The following PLXDC2 variants were observed in gnomAD, a reference collection of about 807,000 sequenced individuals.
The protein encoded by PLXDC2 is plexin domain containing 2.
PLXDC2 carries 40 observed loss-of-function variants against 68.9 expected under a neutral mutation model. The observed-to-expected ratio is 0.58, with a 90% CI of 0.45 to 0.76. The LOEUF is 0.76. Ranked by LOEUF, PLXDC2 falls within the 30% of genes least tolerant of loss-of-function variation. The pLI, the probability that PLXDC2 is intolerant of heterozygous loss-of-function variation, is 0.00. For synonymous variants in PLXDC2, 243 were observed against 234.2 expected (o/e 1.04, Z -0.34); for missense variants, 644 against 661.9 (o/e 0.97, Z 0.30).
intron 1 of PLXDC2, among the ~76,000 whole-genome samples, chr10:19,989,692 TAAAAAAGTATTTTA>T (rs1360159053): frequency 6.6e-6 from 1 of 151,876 alleles, no homozygotes; most frequent in Non-Finnish European, 1.5e-5. Context: ...TTTATATTTT[TAAAAAAGTATTTTA>T]ATTTAATAAT....
chr10:19,855,527 A>C (rs1837195824), intron 1 of PLXDC2, among the ~76,000 whole-genome samples: 1 of 152,130 alleles, frequency 6.6e-6, no homozygotes, highest in Non-Finnish European at 1.5e-5. Context: ...AATTCTTGGG[A>C]GTAGAAGTGT....
intron 1 of PLXDC2, 128 bp downstream of exon 1, chr10:19,817,319 T>C: frequency 2.6e-6 from 2 of 781,390 alleles, no homozygotes; most frequent in East Asian, 2.7e-5. Flanking sequence ...GCAGTTGCTT[T>C]TCGGCTAAAC....
intron 12 of PLXDC2, among the ~76,000 whole-genome samples, chr10:20,226,689 G>C (rs1392892237): frequency 6.6e-6 from 1 of 152,198 alleles, no homozygotes; most frequent in Non-Finnish European, 1.5e-5. Context: ...CACAGAACGA[G>C]ATGATATAGC....
At chr10:20,011,476 G>C (rs369785428) in intron 2 of PLXDC2, among the ~76,000 whole-genome samples, 1 of 152,166 alleles carries the variant, frequency 6.6e-6, no homozygotes, top group Non-Finnish European at 1.5e-5. Context: ...ATCCACCAGC[G>C]CCTAGATTGG....
chr10:19,943,161 T>C (rs1247282986), intron 1 of PLXDC2, among the ~76,000 whole-genome samples: 1 of 152,188 alleles, frequency 6.6e-6, no homozygotes, highest in African/African-American at 2.4e-5. Flanking sequence ...AGGAGGATTC[T>C]GGAGCTGAAG....
intron 10 of PLXDC2, among the ~76,000 whole-genome samples, chr10:20,214,765 G>A (rs12265951): frequency 0.043 from 6,532 of 152,166 alleles, 466 homozygotes; most frequent in African/African-American, 0.15. Context: ...TCTGAGCCTA[G>A]GATTTTACCT....
intron 7 of PLXDC2, among the ~76,000 whole-genome samples, chr10:20,174,793 T>TA (rs998470523): frequency 7.3e-5 from 11 of 150,700 alleles, no homozygotes; most frequent in South Asian, 2.1e-4. Flanking sequence ...AAAGTATAAT[T>TA]AAAAAAAAAG....
chr10:20,048,882 G>T (rs1277333971), intron 3 of PLXDC2, among the ~76,000 whole-genome samples: 1 of 152,062 alleles, frequency 6.6e-6, no homozygotes, highest in Non-Finnish European at 1.5e-5. Context: ...ACTGTAGACA[G>T]TCCATTTTTT....
chr10:19,819,527 G>A (rs1459263428), intron 1 of PLXDC2, among the ~76,000 whole-genome samples: 1 of 152,138 alleles, frequency 6.6e-6, no homozygotes, highest in Admixed American at 6.5e-5. Context: ...GCAACAATCA[G>A]GATCTTTATT....
At chr10:19,930,375 A>G (rs1027653371) in intron 1 of PLXDC2, among the ~76,000 whole-genome samples, 2 of 150,084 alleles carry the variant, frequency 1.3e-5, no homozygotes, top group African/African-American at 5.0e-5. Context: ...CAAACCGCTA[A>G]TAAGGTCTTT....
In PLXDC2 at chr10:20,200,793, C is replaced by T. The variant is rs533846643; in HGVS notation, c.1062-10876C>T. Among the ~76,000 whole-genome samples, 3 of 152,168 alleles carry T rather than the reference C, an allele frequency of 2.0e-5. No homozygotes were observed. The South Asian group carries it at 6.2e-4, about 32-fold the overall frequency. On this transcript the variant is annotated intron_variant, in intron 9 of 13. Coordinates refer to ENST00000377252, the MANE Select transcript of PLXDC2 (RefSeq NM_032812.9). ...TTTAAAAATACTCAACATCATTAAT[C>T]ATCAAGGAAATGCAAATCAAAACCA...
chr10:19,996,398 A>C (rs1430097490), intron 1 of PLXDC2, among the ~76,000 whole-genome samples: 1 of 152,186 alleles, frequency 6.6e-6, no homozygotes, highest in African/African-American at 2.4e-5. Flanking sequence ...CCTGGGCTAC[A>C]AAGTGAGACC....
chr10:20,233,599 G>C (rs1413269333), intron 12 of PLXDC2, among the ~76,000 whole-genome samples: 1 of 152,134 alleles, frequency 6.6e-6, no homozygotes, highest in Non-Finnish European at 1.5e-5. Context: ...TTTGTTCATA[G>C]TCACATGGTT....
chr10:20,051,774 C>T (rs1268583073), intron 3 of PLXDC2, among the ~76,000 whole-genome samples: 5 of 151,878 alleles, frequency 3.3e-5, no homozygotes, highest in Admixed American at 1.3e-4. Flanking sequence ...AGGTGATGCT[C>T]ATGCCACTAA....
At chr10:20,262,727 A>T (rs1835824833) in intron 13 of PLXDC2, among the ~76,000 whole-genome samples, 1 of 152,188 alleles carries the variant, frequency 6.6e-6, no homozygotes, top group Non-Finnish European at 1.5e-5. Context: ...TTCACTGGTG[A>T]CACCTACAGG....
chr10:19,901,830 C>T lies in PLXDC2; in HGVS notation c.112+84639C>T, dbSNP rs148843777. On this transcript the variant is annotated intron_variant, in intron 1 of 13. Coordinates refer to ENST00000377252, the MANE Select transcript of PLXDC2 (RefSeq NM_032812.9). ...CACGTCTTAGATTTAAGTCTTTGAT[C>T]CACGTTGAGTTGATTTTTGTATAAG... Among the ~76,000 whole-genome samples the T allele has an allele frequency of 4.3e-3, 652 of 152,234 alleles. 5 individuals carry two copies. Among genetic ancestry groups the T allele is most frequent in the South Asian group, 0.036 (176 of 4,822 alleles).
chr10:20,033,708 C>A (rs532142921), intron 2 of PLXDC2, among the ~76,000 whole-genome samples: 6 of 152,242 alleles, frequency 3.9e-5, no homozygotes, highest in African/African-American at 1.4e-4. Flanking sequence ...GAAAGATTCA[C>A]CCCCATGATT....
intron 10 of PLXDC2, among the ~76,000 whole-genome samples, chr10:20,216,060 A>G (rs1835132186): frequency 6.6e-6 from 1 of 152,098 alleles, no homozygotes; most frequent in Admixed American, 6.6e-5. Context: ...TGGAGCAGGC[A>G]GGGAAAAGGC....
chr10:20,227,949 G>A (rs1021737519), intron 12 of PLXDC2, among the ~76,000 whole-genome samples: 2 of 152,152 alleles, frequency 1.3e-5, no homozygotes, highest in African/African-American at 4.8e-5. Context: ...GAAGCTACAT[G>A]AGCTAATATT....
Sources: gnomAD v4.1 joint callset for allele counts (sites outside exome capture counted in the v4.1 genomes callset) on GRCh38, gnomAD v4.1.1 for gene constraint, MANE v1.5 for transcripts, NCBI Gene and HGNC (gene_info 2026-07-23, HGNC 2026-07-21) for gene names.